The following KIF17 variants were observed in gnomAD, a reference collection of about 807,000 sequenced individuals.
The protein encoded by KIF17 is kinesin-like protein KIF17.
Under a neutral mutation model 96.8 loss-of-function variants are expected in KIF17, and 80 were observed. That is an observed-to-expected ratio of 0.83 (90% CI 0.69 to 1.00). The LOEUF is 1.00. KIF17 is among the 50% of genes least tolerant of loss of function. The pLI, the probability that KIF17 is intolerant of heterozygous loss-of-function variation, is 0.00. For missense variants in KIF17, 1,280 were observed against 1,372.9 expected (o/e 0.93, Z 1.07); for synonymous variants, 567 against 587.5 (o/e 0.97, Z 0.51).
intron 6 of KIF17, among the ~76,000 whole-genome samples, chr1:20,697,168 A>T (rs189450947): frequency 2.2e-4 from 34 of 152,300 alleles, no homozygotes; most frequent in Admixed American, 1.4e-3. Flanking sequence ...ACAGCCCAAC[A>T]GGGGCTTCTG....
chr1:20,671,038 G>A (rs914580013), intron 12 of KIF17, among the ~76,000 whole-genome samples: 2 of 152,100 alleles, frequency 1.3e-5, no homozygotes, highest in East Asian at 1.9e-4. Context: ...AGTGATCTTC[G>A]GAAGGCCATA....
intron 3 of KIF17, among the ~76,000 whole-genome samples, chr1:20,710,910 G>T (rs2054424102): frequency 6.6e-6 from 1 of 152,176 alleles, no homozygotes; most frequent in Non-Finnish European, 1.5e-5. Flanking sequence ...GCCGATGGAA[G>T]GCTCCAGGGT....
intron 7 of KIF17, among the ~76,000 whole-genome samples, chr1:20,689,220 C>T (rs1354672675): frequency 3.3e-5 from 5 of 152,140 alleles, no homozygotes; most frequent in South Asian, 2.1e-4. Flanking sequence ...GCGGTACCGA[C>T]GGTGCGATCA....
intron 11 of KIF17, among the ~76,000 whole-genome samples, chr1:20,676,780 G>A (rs557966224): frequency 2.6e-5 from 4 of 152,132 alleles, no homozygotes; most frequent in East Asian, 3.9e-4. Context: ...GCAGTGAGTC[G>A]AGATTGCACC....
rs748540355 is a variant in KIF17, at chr1:20,686,071, G to T, written c.1994C>A (p.Ala665Glu). ...AGGCCTGGGCGGGAAGTCATCAGCCGCCTCGGCTTCGGGCCTGGCATCACT... is the reference window on the plus strand; with the variant it reads ...AGGCCTGGGCGGGAAGTCATCAGCCTCCTCGGCTTCGGGCCTGGCATCACT... ...EPSDARPEAE[A>E]ADDFPPRPEV... Residue 665 changes from alanine (A) to glutamate (E), a missense_variant, in exon 9 of 15, where the codon GCG becomes GAG. Ala to Glu is a moderately radical substitution (Grantham distance 107, BLOSUM62 -1). Coordinates refer to ENST00000400463, the MANE Select transcript of KIF17 (RefSeq NM_001122819.3). 3 of 1,561,042 alleles carry T rather than the reference G, an allele frequency of 1.9e-6. No homozygotes were observed. Among genetic ancestry groups the T allele is most frequent in the Admixed American group, 1.9e-5 (1 of 52,174 alleles).
In KIF17 at chr1:20,709,288, G is replaced by A. The variant is rs1038345812; in HGVS notation, c.670+351C>T. Among the ~76,000 whole-genome samples the A allele has an allele frequency of 6.6e-6, 1 of 152,100 alleles. No individual in the cohort carries two copies. Among genetic ancestry groups the A allele is most frequent in the Non-Finnish European group, 1.5e-5 (1 of 68,022 alleles). ...CCCAGCTGCTCAGGAGGCTGAGGTG[G>A]GAGGCTCGCCCGAGCCTGGGAGGCA... On this transcript the variant is annotated intron_variant, in intron 4 of 14. Coordinates refer to ENST00000400463, the MANE Select transcript of KIF17 (RefSeq NM_001122819.3). The surrounding 1 kb of genome is among the most constrained non-coding windows in gnomAD (Gnocchi z 4.7).
At chr1:20,680,483 G>A (rs1236171149) in intron 11 of KIF17, among the ~76,000 whole-genome samples, 1 of 152,152 alleles carries the variant, frequency 6.6e-6, no homozygotes, top group African/African-American at 2.4e-5. Flanking sequence ...AGGCCGAGGC[G>A]GGAGGATTGT....
In KIF17 at chr1:20,704,102, C is replaced by G. The variant is rs996633701; in HGVS notation, c.1123+345G>C. 1.5e-4 allele frequency among the ~76,000 whole-genome samples: 21 copies of G among 139,960 alleles called. No individual in the cohort carries two copies. Among genetic ancestry groups the G allele is most frequent in the Non-Finnish European group, 2.4e-4 (16 of 67,012 alleles). 91.8% of individuals were successfully genotyped at this position (139,960 alleles called of 152,430 possible). A position where few individuals can be genotyped will look rare whatever the true frequency, so the allele number is the denominator to read the frequency against. On this transcript the variant is annotated intron_variant, in intron 5 of 14. Transcript: ENST00000400463. This position sits in a 1 kb window ranked among gnomAD's most constrained non-coding sequence, Gnocchi z 6.8. ...GAGTGAGTTGCCAGCTGCTGAGCAGCGAACACGCATTGCGACAATGCCACA... is the reference window on the plus strand; with the variant it reads ...GAGTGAGTTGCCAGCTGCTGAGCAGGGAACACGCATTGCGACAATGCCACA...
At chr1:20,696,726 C>T (rs1042875327) in intron 6 of KIF17, among the ~76,000 whole-genome samples, 12 of 152,136 alleles carry the variant, frequency 7.9e-5, no homozygotes, top group African/African-American at 2.9e-4. Context: ...ACCAGAGCCC[C>T]CCGGGCTGTG....
At chr1:20,663,407 C>T (rs1468308424), downstream of KIF17, among the ~76,000 whole-genome samples, 1 of 152,076 alleles carries the variant, frequency 6.6e-6, no homozygotes, top group Non-Finnish European at 1.5e-5. Context: ...GAAATTGATA[C>T]AAAATAGGGA....
chr1:20,713,314 T>TA (rs373620869), intron 3 of KIF17, 140 bp downstream of exon 3: 38,156 of 515,062 alleles, frequency 0.074, no homozygotes, highest in Middle Eastern at 0.09. Context: ...TTTTTTTAAT[T>TA]AAAAAAAAAA....
In KIF17 at chr1:20,666,301, G is replaced by C; in HGVS notation, c.2821C>G (p.Arg941Gly). ...EDDRYRLMLS[R>G]SNSENIASNY... is the part of the protein sequence containing the mutation. ...CTGGCAATGTTTTCACTGTTGCTCC[G>C]ACTGAGCATGAGCCTGTAGCGGTCG... is the stretch of plus-strand genomic sequence containing the variant. Residue 941 changes from arginine (R) to glycine (G), a missense_variant, in exon 14 of 15, where the codon CGG becomes GGG. By Grantham distance (125) the Arg-to-Gly change is moderately radical. Transcript: ENST00000400463. 1 of 1,614,088 alleles carries C rather than the reference G, an allele frequency of 6.2e-7. No individual in the cohort carries two copies. The highest frequency in any genetic ancestry group is 8.5e-7 in the Non-Finnish European group (1 of 1,179,938).
chr1:20,697,944 G>C (rs1310390197), intron 6 of KIF17, among the ~76,000 whole-genome samples: 5 of 152,330 alleles, frequency 3.3e-5, no homozygotes, highest in African/African-American at 1.2e-4. Flanking sequence ...CGGGCTGCCT[G>C]GCTCTCAGAC....
intron 4 of KIF17, among the ~76,000 whole-genome samples, chr1:20,705,307 G>A (rs1038890457): frequency 1.3e-5 from 2 of 152,176 alleles, no homozygotes; most frequent in Non-Finnish European, 1.5e-5. Context: ...ATTCAAAACA[G>A]AAAACATCTG....
chr1:20,707,269 G>A (rs777305191), intron 4 of KIF17, among the ~76,000 whole-genome samples: 35 of 152,280 alleles, frequency 2.3e-4, no homozygotes, highest in Non-Finnish European at 4.0e-4. Flanking sequence ...GATGTCCATC[G>A]TGGCATGACT....
chr1:20,689,868 GGGCCCAGTCCAT>G (rs1475738555), intron 7 of KIF17, among the ~76,000 whole-genome samples: 1 of 152,134 alleles, frequency 6.6e-6, no homozygotes, highest in East Asian at 1.9e-4. Flanking sequence ...CCTTGAGCTG[GGGCCCAGTCCAT>G]GGCTAAGCCA....
chr1:20,695,899 C>T (rs1330073892), intron 6 of KIF17, among the ~76,000 whole-genome samples: 3 of 152,196 alleles, frequency 2.0e-5, no homozygotes, highest in South Asian at 2.1e-4. Flanking sequence ...ACCCAGCACG[C>T]GCTCACAATA....
chr1:20,691,992 G>A (rs628265), intron 6 of KIF17, among the ~76,000 whole-genome samples: 82,311 of 152,012 alleles, frequency 0.54, 23,265 homozygotes, highest in East Asian at 0.79. Context: ...TCTCACCTCT[G>A]TTCTCACTCT....
Position 20,717,823 on chromosome 1 carries a change from AGGGGCGGGGCCGCGGCGG to A in KIF17, c.-135_-118del, listed in dbSNP as rs528039972. ...GCCACGGGGGGCGGGGCCTTGAGGC[AGGGGCGGGGCCGCGGCGG>A]GGGGCGGGGACCCCTCGGGGGGCGC... On this transcript the variant is annotated 5_prime_UTR_variant, in exon 1 of 15. Coordinates refer to ENST00000400463, the MANE Select transcript of KIF17 (RefSeq NM_001122819.3). 1.6e-3 allele frequency: 1,811 copies of A among 1,109,624 alleles called. 19 individuals are homozygous for A. The African/African-American group carries it at 0.026, about 16-fold the overall frequency. 68.7% of individuals were successfully genotyped at this position (1,109,624 alleles called of 1,614,324 possible).
Sources: gnomAD v4.1 joint callset for allele counts (sites outside exome capture counted in the v4.1 genomes callset) on GRCh38, gnomAD v4.1.1 for gene constraint, Gnocchi (gnomAD v3.1) non-coding constraint, MANE v1.5 for transcripts, NCBI Gene and HGNC (gene_info 2026-07-23, HGNC 2026-07-21) for gene names.